The following HCN1 variants were observed in gnomAD, a reference collection of about 807,000 sequenced individuals.
HCN1 encodes hyperpolarization activated cyclic nucleotide gated potassium channel 1.
A neutral mutation model predicts 78.9 loss-of-function variants in HCN1; 13 were observed. The ratio of observed to expected loss-of-function variants is 0.16; its 90% CI spans 0.11 to 0.26. The LOEUF is 0.26. Among genes scored for constraint, HCN1 ranks in the 10% least tolerant of loss-of-function variants. HCN1 has a pLI of 1.00. For synonymous variants in HCN1, 552 were observed against 455.5 expected (o/e 1.21, Z -2.70); for missense variants, 810 against 1,154.3 (o/e 0.70, Z 4.32).
chr5:45,294,911 G>A (rs1406758071), intron 6 of HCN1, among the ~76,000 whole-genome samples: 1 of 152,062 alleles, frequency 6.6e-6, no homozygotes, highest in Admixed American at 6.6e-5. Context: ...TGAAACCTGG[G>A]TTTCTCCCTT....
At chr5:45,656,082 A>C (rs1745759749) in intron 1 of HCN1, among the ~76,000 whole-genome samples, 1 of 151,892 alleles carries the variant, frequency 6.6e-6, no homozygotes. Context: ...AATATGAAGA[A>C]GTTAAATATG....
intron 2 of HCN1, among the ~76,000 whole-genome samples, chr5:45,630,304 T>A (rs1446804179): frequency 6.6e-6 from 1 of 152,184 alleles, no homozygotes; most frequent in Non-Finnish European, 1.5e-5. Context: ...TGGATTTATA[T>A]CCTGGCACTA....
At chr5:45,379,650 G>A (rs1747764396) in intron 4 of HCN1, among the ~76,000 whole-genome samples, 1 of 152,014 alleles carries the variant, frequency 6.6e-6, no homozygotes, top group African/African-American at 2.4e-5. Context: ...AAACATTGTG[G>A]TTACCACAAA....
intron 2 of HCN1, among the ~76,000 whole-genome samples, chr5:45,598,814 T>C (rs1240485844): frequency 1.3e-5 from 2 of 152,176 alleles, no homozygotes; most frequent in Non-Finnish European, 2.9e-5. Context: ...CCTGAACAAA[T>C]GCTCATCATC....
In HCN1 at chr5:45,520,317, A is replaced by T. The variant is rs543206178; in HGVS notation, c.850-58310T>A. The stretch of plus-strand genomic sequence containing the variant: ...GCATTGTTCATTGCATGACATGCTT[A>T]TCTCTTCATAGGGATTAATTGGAAA... On this transcript the variant is annotated intron_variant, in intron 2 of 7. Transcript: ENST00000303230. 1.2e-3 allele frequency among the ~76,000 whole-genome samples: 183 copies of T among 152,100 alleles called. 1 individual carries two copies. Among genetic ancestry groups the T allele is most frequent in the African/African-American group, 4.3e-3 (178 of 41,524 alleles).
intron 5 of HCN1, among the ~76,000 whole-genome samples, chr5:45,344,515 G>T (rs1199237733): frequency 1.3e-5 from 2 of 152,132 alleles, no homozygotes; most frequent in Non-Finnish European, 2.9e-5. Flanking sequence ...AAACTCAAAA[G>T]CACATTACTT....
chr5:45,287,821 C>T (rs1364326565), intron 6 of HCN1, among the ~76,000 whole-genome samples: 2 of 152,002 alleles, frequency 1.3e-5, no homozygotes, highest in East Asian at 1.9e-4. Context: ...TCACTTGACA[C>T]GAGCCCTGAA....
At chr5:45,681,870 G>T (rs1233438431) in intron 1 of HCN1, among the ~76,000 whole-genome samples, 1 of 151,986 alleles carries the variant, frequency 6.6e-6, no homozygotes, top group Non-Finnish European at 1.5e-5. Context: ...GTTTTTATAG[G>T]GCTGTGAAAG....
Position 45,278,336 on chromosome 5 carries a change from T to C in HCN1, c.1619-11083A>G, listed in dbSNP as rs950671204. 2.7e-4 allele frequency among the ~76,000 whole-genome samples: 41 copies of C among 152,146 alleles called. 1 individual carries two copies. Among genetic ancestry groups the C allele is most frequent in the Non-Finnish European group, 7.4e-5 (5 of 68,016 alleles). On this transcript the variant is annotated intron_variant, in intron 6 of 7. Coordinates refer to ENST00000303230, the MANE Select transcript of HCN1 (RefSeq NM_021072.4). Reference sequence around the variant, plus strand: ...TACCTATAAAGTTTTCATTTTCTACTTTTCAGTAATTTGAAGTATTCATAG... The same window carrying C: ...TACCTATAAAGTTTTCATTTTCTACCTTTCAGTAATTTGAAGTATTCATAG...
At chr5:45,315,023 A>G (rs1745949519) in intron 5 of HCN1, among the ~76,000 whole-genome samples, 1 of 152,152 alleles carries the variant, frequency 6.6e-6, no homozygotes, top group Non-Finnish European at 1.5e-5. Context: ...AAAGTTAACC[A>G]TGATATCCAG....
intron 3 of HCN1, among the ~76,000 whole-genome samples, chr5:45,459,523 C>T (rs1304969429): frequency 6.7e-6 from 1 of 148,922 alleles, no homozygotes; most frequent in Non-Finnish European, 1.5e-5. Flanking sequence ...CACACACACA[C>T]ACCACAAACA....
At chr5:45,350,571 G>T (rs557391972) in intron 5 of HCN1, among the ~76,000 whole-genome samples, 2,727 of 151,568 alleles carry the variant, frequency 0.018, 43 homozygotes, top group Non-Finnish European at 0.029. Context: ...ATTAGGAAAA[G>T]AGGAAGTCAA....
intron 3 of HCN1, among the ~76,000 whole-genome samples, chr5:45,452,075 G>T (rs1414281258): frequency 1.3e-5 from 2 of 150,848 alleles, no homozygotes; most frequent in African/African-American, 2.4e-5. Flanking sequence ...GTGATTCACT[G>T]CTATATGTTT....
At chr5:45,265,791 T>C (rs1192262048) in intron 7 of HCN1, among the ~76,000 whole-genome samples, 2 of 152,186 alleles carry the variant, frequency 1.3e-5, no homozygotes, top group African/African-American at 4.8e-5. Context: ...CATTGTATAC[T>C]AGGTACTGTG....
At chr5:45,553,080 C>A (rs1157765337) in intron 2 of HCN1, among the ~76,000 whole-genome samples, 1 of 151,776 alleles carries the variant, frequency 6.6e-6, no homozygotes, top group African/African-American at 2.4e-5. Context: ...TGCTTATTTA[C>A]CTAAAGAAGT....
At chr5:45,295,468 C>T (rs1160406484) in intron 6 of HCN1, among the ~76,000 whole-genome samples, 1 of 151,942 alleles carries the variant, frequency 6.6e-6, no homozygotes, top group African/African-American at 2.4e-5. Flanking sequence ...TACGTAAGAC[C>T]TCTGCTAAGA....
chr5:45,525,449 G>GAATA (rs1561188752), intron 2 of HCN1, among the ~76,000 whole-genome samples: 4,993 of 151,228 alleles, frequency 0.033, 259 homozygotes, highest in African/African-American at 0.11. Context: ...GTTTAATATC[G>GAATA]ACATCAAATA....
intron 2 of HCN1, among the ~76,000 whole-genome samples, chr5:45,479,519 G>A (rs1361981303): frequency 6.6e-6 from 1 of 152,164 alleles, no homozygotes; most frequent in Non-Finnish European, 1.5e-5. Context: ...ATAATGATAA[G>A]CTGATGCTGT....
At chr5:45,595,604 T>A (rs1164047997) in intron 2 of HCN1, among the ~76,000 whole-genome samples, 1 of 152,182 alleles carries the variant, frequency 6.6e-6, no homozygotes, top group Non-Finnish European at 1.5e-5. Context: ...CATTCTATAG[T>A]CTAAAGATAT....
Sources: allele counts gnomAD v4.1 joint callset (sites outside exome capture counted in the v4.1 genomes callset), GRCh38; gene constraint gnomAD v4.1.1; transcripts MANE v1.5; gene names NCBI Gene and HGNC (gene_info 2026-07-23, HGNC 2026-07-21).